DPP8: variants seen among roughly 807,000 people sequenced by gnomAD.
DPP8 encodes the protein DPP VIII.
A neutral mutation model predicts 107.5 loss-of-function variants in DPP8; 31 were observed. That is an observed-to-expected ratio of 0.29 (90% CI 0.22 to 0.39). DPP8 has a LOEUF of 0.39. Ranked by LOEUF, DPP8 falls within the 10% of genes least tolerant of loss-of-function variation. The pLI, the probability that DPP8 is intolerant of heterozygous loss-of-function variation, is 1.00. For missense variants in DPP8, 842 were observed against 1,076.1 expected, an observed-to-expected ratio of 0.78 and a Z score of 3.04; for synonymous variants, 381 against 356.6, an observed-to-expected ratio of 1.07 and a Z score of -0.77.
At chr15:65,484,619 C>G (rs994395868) in intron 8 of DPP8, among the ~76,000 whole-genome samples, 8 of 148,756 alleles carry the variant, frequency 5.4e-5, no homozygotes, top group African/African-American at 9.9e-5. Flanking sequence ...ATTCTCTTTT[C>G]TCTTTCTTTC....
At chr15:65,483,936 G>C (rs1171689513) in intron 8 of DPP8, among the ~76,000 whole-genome samples, 3 of 152,174 alleles carry the variant, frequency 2.0e-5, no homozygotes, top group East Asian at 1.9e-4. Context: ...GATGGACCTT[G>C]AAAACAATCT....
In DPP8 at chr15:65,445,980, T is replaced by G. The variant is rs2063483729; in HGVS notation, c.*904A>C. 6.6e-6 allele frequency: 1 copy of G among 151,958 alleles called. No homozygotes were observed. Among genetic ancestry groups the G allele is most frequent in the Admixed American group, 6.6e-5 (1 of 15,244 alleles). The allele number at this position is 151,958 out of a possible 1,614,324, so 9.4% of individuals were successfully genotyped here. ...TGATTCCCTTCAATCTCCTTAAAAT[T>G]CTAGAATATTTTAATAAGGAAATAC... On this transcript the variant is annotated 3_prime_UTR_variant, in exon 20 of 20. Transcript: ENST00000300141.
intron 1 of DPP8, among the ~76,000 whole-genome samples, chr15:65,514,161 T>C (rs578114915): frequency 1.1e-4 from 16 of 152,334 alleles, no homozygotes; most frequent in Admixed American, 4.6e-4. Context: ...AAGAACTGAA[T>C]GAAGTGTGTG....
intron 16 of DPP8, 48 bp from the exon 17 acceptor site, chr15:65,454,463 T>A (rs1188379914): frequency 1.3e-6 from 2 of 1,490,262 alleles, no homozygotes; most frequent in Non-Finnish European, 1.8e-6. Context: ...AATAAAAGTC[T>A]CGTAAGAGTG....
chr15:65,456,600 AC>A (rs1166948055), intron 15 of DPP8, among the ~76,000 whole-genome samples: 1 of 152,228 alleles, frequency 6.6e-6, no homozygotes, highest in Non-Finnish European at 1.5e-5. Context: ...TAAAATTCTA[AC>A]TTAAATATTA....
At chr15:65,448,400 C>T (rs1051555279) in intron 19 of DPP8, among the ~76,000 whole-genome samples, 5 of 151,326 alleles carry the variant, frequency 3.3e-5, no homozygotes, top group South Asian at 2.1e-4. Context: ...AGGCTGGGCA[C>T]GGTGGCTCAT....
intron 4 of DPP8, among the ~76,000 whole-genome samples, chr15:65,499,651 G>A (rs922723362): frequency 6.6e-6 from 1 of 151,720 alleles, no homozygotes; most frequent in African/African-American, 2.4e-5. Context: ...TACAACCTCC[G>A]CCTCCCAGGC....
At position 65,451,122 on chromosome 15, in the gene DPP8, G is replaced by A. The variant is rs1205024741; in HGVS notation, c.2415-12C>T. 4.5e-6 allele frequency: 7 copies of A among 1,539,806 alleles called. No homozygotes were observed. The highest frequency in any genetic ancestry group is 4.5e-6 in the Non-Finnish European group (5 of 1,114,404). On this transcript the variant is annotated splice_polypyrimidine_tract_variant and intron_variant, in intron 18 of 19. Coordinates refer to ENST00000300141, the MANE Select transcript of DPP8 (RefSeq NM_130434.5). ...GTAAACGATTTGGTCTGGAGAAATGGAAATATTAGAGGATTAGGCAAAATA... is the reference window on the plus strand; with the variant it reads ...GTAAACGATTTGGTCTGGAGAAATGAAAATATTAGAGGATTAGGCAAAATA...
At chr15:65,496,982 C>A (rs1384590513) in intron 5 of DPP8, among the ~76,000 whole-genome samples, 1 of 152,098 alleles carries the variant, frequency 6.6e-6, no homozygotes, top group East Asian at 1.9e-4. Flanking sequence ...CTCCACCTCC[C>A]AGGTTCAAGC....
chr15:65,477,020 A>G (rs1043779372), intron 11 of DPP8, among the ~76,000 whole-genome samples: 1 of 152,170 alleles, frequency 6.6e-6, no homozygotes, highest in African/African-American at 2.4e-5. Context: ...TGGCTGCCAG[A>G]GATTGGGGGA....
chr15:65,481,282 A>G (rs1040129732), intron 9 of DPP8, among the ~76,000 whole-genome samples: 1 of 152,208 alleles, frequency 6.6e-6, no homozygotes, highest in African/African-American at 2.4e-5. Flanking sequence ...TAACACTGTG[A>G]ACCATAACTG....
At chr15:65,475,577 C>A in intron 11 of DPP8, 1 of 1,191,896 alleles carries the variant, frequency 8.4e-7, no homozygotes, top group Non-Finnish European at 1.2e-6. Context: ...ACTGGCTTGA[C>A]TCCCTGGCAC....
intron 18 of DPP8, among the ~76,000 whole-genome samples, 169 bp from the exon 19 acceptor site, chr15:65,451,279 A>G (rs1382182797): frequency 6.6e-6 from 1 of 152,242 alleles, no homozygotes; most frequent in Non-Finnish European, 1.5e-5. Flanking sequence ...CAGATGCCAC[A>G]TGCAATGAAG....
chr15:65,496,070 G>A (rs1295101416), intron 5 of DPP8, among the ~76,000 whole-genome samples: 2 of 151,074 alleles, frequency 1.3e-5, no homozygotes, highest in African/African-American at 4.9e-5. Context: ...TGGAAGCTCC[G>A]CCTCCTGGGT....
intron 2 of DPP8, among the ~76,000 whole-genome samples, chr15:65,511,341 T>C (rs1357212387): frequency 1.3e-5 from 2 of 151,282 alleles, no homozygotes; most frequent in Admixed American, 6.6e-5. Flanking sequence ...TTCAAAACAT[T>C]AGCTGGTTGT....
At chr15:65,450,976 C>T (rs1479904855) in intron 19 of DPP8, 23 bp downstream of exon 19, 2 of 1,374,552 alleles carry the variant, frequency 1.5e-6, no homozygotes, top group Admixed American at 1.8e-5. Flanking sequence ...CTGCATTTAA[C>T]TAGAAAATGT....
intron 5 of DPP8, among the ~76,000 whole-genome samples, chr15:65,492,020 C>T (rs951976898): frequency 3.6e-4 from 55 of 151,512 alleles, no homozygotes; most frequent in African/African-American, 1.3e-3. Flanking sequence ...GCGTGAGCCA[C>T]CACGCCCGGC....
At chr15:65,492,112 A>T (rs1436026001) in intron 5 of DPP8, among the ~76,000 whole-genome samples, 2 of 151,306 alleles carry the variant, frequency 1.3e-5, no homozygotes, top group African/African-American at 4.8e-5. Flanking sequence ...GAGGCTGAGG[A>T]GGGCAGACTG....
At chr15:65,488,650 G>A (rs2456005) in intron 6 of DPP8, among the ~76,000 whole-genome samples, 136,406 of 145,180 alleles carry the variant, frequency 0.94, 64,070 homozygotes, top group Admixed American at 0.96. Flanking sequence ...AAACAAAACA[G>A]CATAACAGTA....
Sources: gnomAD v4.1 joint callset for allele counts (sites outside exome capture counted in the v4.1 genomes callset) on GRCh38, gnomAD v4.1.1 for gene constraint, MANE v1.5 for transcripts, NCBI Gene and HGNC (gene_info 2026-07-23, HGNC 2026-07-21) for gene names.